Variants in NCALD observed in about 807,000 individuals in gnomAD.
NCALD encodes neurocalcin-delta.
Under a neutral mutation model 18.6 loss-of-function variants are expected in NCALD, and 10 were observed. That is an observed-to-expected ratio of 0.54 (90% CI 0.33 to 0.91). The LOEUF is 0.91. NCALD is among the 40% of genes least tolerant of loss of function. NCALD has a pLI of 0.03. For synonymous variants in NCALD, 88 were observed against 87.4 expected (o/e 1.01, Z -0.04); for missense variants, 184 against 247.6 (o/e 0.74, Z 1.72).
intron 1 of NCALD, among the ~76,000 whole-genome samples, chr8:102,111,388 A>G (rs1186314532): frequency 1.3e-5 from 2 of 151,092 alleles, no homozygotes; most frequent in East Asian, 3.9e-4. Context: ...CAACTGAGAA[A>G]ATTTAGATCA....
chr8:102,078,948 A>G (rs1388898520), intron 1 of NCALD, among the ~76,000 whole-genome samples: 1 of 152,330 alleles, frequency 6.6e-6, no homozygotes, highest in Non-Finnish European at 1.5e-5. Context: ...ATGAAGGAAT[A>G]TGAGTCTTAG....
At chr8:101,937,342 AC>A (rs1197126560) in intron 2 of NCALD, among the ~76,000 whole-genome samples, 1 of 151,540 alleles carries the variant, frequency 6.6e-6, no homozygotes, top group East Asian at 1.9e-4. Flanking sequence ...CCCTCCTCCC[AC>A]CCTCCACCCT....
chr8:101,811,255 T>C (rs1168014901), intron 4 of NCALD, among the ~76,000 whole-genome samples: 2 of 152,176 alleles, frequency 1.3e-5, no homozygotes, highest in African/African-American at 2.4e-5. Flanking sequence ...ACAAGAGTTC[T>C]TTAAAGTAGA....
chr8:101,737,514 G>A (rs573285165), intron 1 of NCALD, among the ~76,000 whole-genome samples: 43 of 152,150 alleles, frequency 2.8e-4, no homozygotes, highest in Non-Finnish European at 5.9e-4. Flanking sequence ...GGCCTCTCAA[G>A]GCCGCACCCC....
intron 4 of NCALD, among the ~76,000 whole-genome samples, chr8:101,827,897 C>T (rs912130127): frequency 3.3e-5 from 5 of 152,128 alleles, no homozygotes; most frequent in African/African-American, 1.2e-4. Context: ...AGTTCTATAC[C>T]ACCCTCAAAA....
rs527531952 is a variant in NCALD at position 102,119,426 on chromosome 8, A to G, written c.-210+4811T>C. On this transcript the variant is annotated intron_variant, in intron 1 of 6. Transcript: ENST00000311028. Reference sequence around the variant, plus strand: ...GGTTGGAAGGGAGGAGGAGATAGGAAGTTAGTGTTTAGTGGAAACAGAGTT... The same window carrying G: ...GGTTGGAAGGGAGGAGGAGATAGGAGGTTAGTGTTTAGTGGAAACAGAGTT... Among the ~76,000 whole-genome samples the G allele has an allele frequency of 3.4e-3, 522 of 152,310 alleles. 1 individual carries two copies. Among genetic ancestry groups the G allele is most frequent in the African/African-American group, 0.012 (485 of 41,570 alleles).
chr8:101,825,333 C>T (rs1813891180), intron 4 of NCALD, among the ~76,000 whole-genome samples: 1 of 152,240 alleles, frequency 6.6e-6, no homozygotes, highest in South Asian at 2.1e-4. Flanking sequence ...CAGCATCTTC[C>T]AGTCTAGTTC....
At chr8:101,871,206 G>C (rs936342626) in intron 4 of NCALD, among the ~76,000 whole-genome samples, 3 of 152,140 alleles carry the variant, frequency 2.0e-5, no homozygotes, top group African/African-American at 7.2e-5. Context: ...CCTATCTGCT[G>C]TATGGACCAT....
At chr8:102,101,099 A>C (rs1404579690) in intron 1 of NCALD, among the ~76,000 whole-genome samples, 1 of 152,252 alleles carries the variant, frequency 6.6e-6, no homozygotes, top group Non-Finnish European at 1.5e-5. Flanking sequence ...AAAAACCCTC[A>C]AAAATGCTTA....
intron 4 of NCALD, chr8:101,871,995 GC>G: frequency 2.3e-6 from 2 of 885,598 alleles, no homozygotes; most frequent in Non-Finnish European, 3.8e-6. Context: ...GGTTCATGCC[GC>G]CAAACACCAG....
chr8:102,088,555 G>GAA (rs201483363), intron 1 of NCALD, among the ~76,000 whole-genome samples: 1 of 139,134 alleles, frequency 7.2e-6, no homozygotes, highest in African/African-American at 2.6e-5. Flanking sequence ...TGTTTTCGGG[G>GAA]AAAAAAAAAA....
At chr8:101,956,416 T>C (rs1169824586) in intron 2 of NCALD, among the ~76,000 whole-genome samples, 1 of 152,178 alleles carries the variant, frequency 6.6e-6, no homozygotes, top group East Asian at 1.9e-4. Context: ...AGAGTGAGAC[T>C]ATCCAAGTCA....
In NCALD at chr8:101,726,779, G is replaced by T. The variant is rs1816591540; in HGVS notation, c.-19-7131C>A. Among the ~76,000 whole-genome samples, 3 of 152,156 alleles carry T rather than the reference G, an allele frequency of 2.0e-5. No homozygotes were observed. The South Asian group carries it at 6.2e-4, about 32-fold the overall frequency. On this transcript the variant is annotated intron_variant, in intron 1 of 3. Coordinates refer to ENST00000220931, the MANE Select transcript of NCALD (RefSeq NM_032041.3). Reference sequence around the variant, plus strand: ...CATCAGTATATAGATAGAGTTTACAGCCAAGGACTGAATGAGTGCACCAGG... The same window carrying T: ...CATCAGTATATAGATAGAGTTTACATCCAAGGACTGAATGAGTGCACCAGG...
At position 101,839,284 on chromosome 8, in the gene NCALD, C is replaced by T. The variant is rs541430401; in HGVS notation, c.-20+47857G>A. On this transcript the variant is annotated intron_variant, in intron 4 of 6. Coordinates refer to the NCALD transcript ENST00000311028. ...AGACCTTGGGGACACCAAAAAGTAA[C>T]AGAAGAGGGAAAAAAAAAAGCTGTA... 2.1e-4 allele frequency among the ~76,000 whole-genome samples: 31 copies of T among 150,928 alleles called. 1 individual carries two copies. Among genetic ancestry groups the T allele is most frequent in the Admixed American group, 1.8e-3 (27 of 15,208 alleles).
intron 1 of NCALD, among the ~76,000 whole-genome samples, chr8:102,028,755 T>C (rs1822557778): frequency 6.6e-6 from 1 of 152,218 alleles, no homozygotes; most frequent in Non-Finnish European, 1.5e-5. Flanking sequence ...AAGATGAGTA[T>C]GATGCAGCCC....
intron 4 of NCALD, among the ~76,000 whole-genome samples, chr8:101,867,962 C>T (rs1815842780): frequency 1.3e-5 from 2 of 152,214 alleles, no homozygotes; most frequent in Non-Finnish European, 2.9e-5. Flanking sequence ...CCGCCCCCCG[C>T]CAACCTTTTT....
At chr8:101,738,552 C>CAAAAGAAAAAAAAAAAAAAA (rs1810032592) in intron 1 of NCALD, among the ~76,000 whole-genome samples, 1 of 127,916 alleles carries the variant, frequency 7.8e-6, no homozygotes, top group Admixed American at 8.3e-5. Flanking sequence ...CTCAAAAAAA[C>CAAAAGAAAAAAAAAAAAAAA]AAAAAAAAAA....
Position 101,754,761 on chromosome 8 carries a change from G to A in NCALD, c.-19-35113C>T, listed in dbSNP as rs1038285359. 5.9e-5 allele frequency among the ~76,000 whole-genome samples: 9 copies of A among 152,080 alleles called. No homozygotes were observed. In the South Asian group the frequency reaches 6.2e-4, roughly 11 times the overall value. ...TCAAGGTCTCCAGGTAGTGACAGAG[G>A]TACAACCTGAACCCAGGTGTCTCTC... On this transcript the variant is annotated intron_variant, in intron 1 of 3. Coordinates refer to ENST00000220931, the MANE Select transcript of NCALD (RefSeq NM_032041.3).
chr8:101,783,105 C>A (rs1717834106), intron 1 of NCALD, among the ~76,000 whole-genome samples: 1 of 152,204 alleles, frequency 6.6e-6, no homozygotes, highest in African/African-American at 2.4e-5. Context: ...GAAACCTTAG[C>A]AGTCCTTGGA....
Sources: gnomAD v4.1 joint callset for allele counts (sites outside exome capture counted in the v4.1 genomes callset) on GRCh38, gnomAD v4.1.1 for gene constraint, MANE v1.5 for transcripts, NCBI Gene and HGNC (gene_info 2026-07-23, HGNC 2026-07-21) for gene names.